The following MYOG variants were observed in gnomAD, a reference collection of about 807,000 sequenced individuals.
The protein encoded by MYOG is myogenin.
In MYOG, 6 loss-of-function variants were observed where a neutral mutation model predicts 17.7. The observed-to-expected ratio is 0.34, with a 90% CI of 0.19 to 0.67. The LOEUF is 0.67. Among genes scored for constraint, MYOG ranks in the 30% least tolerant of loss-of-function variants. The pLI, the probability that MYOG is intolerant of heterozygous loss-of-function variation, is 0.69. For missense variants in MYOG, 272 were observed against 302.0 expected, an observed-to-expected ratio of 0.90 and a Z score of 0.74; for synonymous variants, 125 against 130.2, an observed-to-expected ratio of 0.96 and a Z score of 0.27.
rs1653557059 is a variant in MYOG at position 203,083,943 on chromosome 1, A to G, written c.642T>C (p.Ser214=). ...GCATGGTTTCATCTGGGAAGGCCAC[A>G]GACACATCTTCCACTGTGATGCTGT... ...IVDSITVEDV[S]VAFPDETMPN The change falls in exon 3 of 3, where the codon TCT becomes TCC. Residue 214 remains serine, a synonymous_variant. Coordinates refer to ENST00000241651, the MANE Select transcript of MYOG (RefSeq NM_002479.6). 3 of 1,591,742 alleles carry G rather than the reference A, an allele frequency of 1.9e-6. No individual in the cohort carries two copies. The highest frequency in any genetic ancestry group is 2.6e-6 in the Non-Finnish European group (3 of 1,168,484).
rs1479218459 is a variant in MYOG at position 203,083,467 on chromosome 1, G to C, written c.*443C>G. ...TCTCCCCTTCTTCTCTCTCAATTCA[G>C]GGCAGGCCCAGCCCAGCCACTGGCA... On this transcript the variant is annotated 3_prime_UTR_variant, in exon 3 of 3. Transcript: ENST00000241651. 10 of 408,420 alleles carry C rather than the reference G, an allele frequency of 2.4e-5. No individual in the cohort carries two copies. Among genetic ancestry groups the C allele is most frequent in the Admixed American group, 3.9e-5 (1 of 25,400 alleles). The allele number at this position is 408,420 out of a possible 1,614,324, so 25.3% of individuals were successfully genotyped here. A position where few individuals can be genotyped will look rare whatever the true frequency, so the allele number is the denominator to read the frequency against.
Position 203,085,509 on chromosome 1 carries a change from C to T in MYOG, c.453G>A (p.Gly151=), listed in dbSNP as rs772832820. The change falls in exon 1 of 3, where the codon GGG becomes GGA. Residue 151 remains glycine, a synonymous_variant. Coordinates refer to ENST00000241651, the MANE Select transcript of MYOG (RefSeq NM_002479.6). ...QEERDLRYRG[G]GGPQPGVPSE... is the part of the protein sequence containing the mutation. ...CACTTACCCCTGGCTGGGGCCCGCC[C>T]CCGCCCCGGTAGCGGAGGTCACGCT... is the stretch of plus-strand genomic sequence containing the variant. 9.9e-6 allele frequency: 16 copies of T among 1,613,002 alleles called. No homozygotes were observed. The highest frequency in any genetic ancestry group is 1.2e-5 in the Non-Finnish European group (14 of 1,179,428).
In MYOG at chr1:203,085,733, A is replaced by T. The variant is rs761784482; in HGVS notation, c.229T>A (p.Ser77Thr). 1.9e-6 allele frequency: 3 copies of T among 1,614,012 alleles called. No individual in the cohort carries two copies. In the South Asian group the frequency reaches 3.3e-5, roughly 18 times the overall value. Residue 77 changes from serine to threonine, a missense_variant, in exon 1 of 3, where the codon TCG (serine) becomes ACG (threonine). Physicochemically the swap from Ser to Thr is moderately conservative, Grantham distance 58. Coordinates refer to ENST00000241651, the MANE Select transcript of MYOG (RefSeq NM_002479.6). Reference sequence around the variant, plus strand: ...GCCCGCCGCCGGTCCACGGACACCGACTTCCTCTTACACACCTTACACGCC... The same window carrying T: ...GCCCGCCGCCGGTCCACGGACACCGTCTTCCTCTTACACACCTTACACGCC... The part of the protein sequence containing the change: ...PWACKVCKRK[S>T]VSVDRRRAAT...
rs1036611858 is a variant in MYOG at position 203,083,752 on chromosome 1, C to A, written c.*158G>T. The A allele has an allele frequency of 2.6e-6, 3 of 1,173,926 alleles. No homozygotes were observed. In the African/African-American group the frequency reaches 4.6e-5, roughly 18 times the overall value. 72.7% of individuals were successfully genotyped at this position (1,173,926 alleles called of 1,614,324 possible). ...GTCCCTTGCTGGGGGGTGGGTTAAC[C>A]TTACATGGATGAGGAAGGGGATAGT... On this transcript the variant is annotated 3_prime_UTR_variant, in exon 3 of 3. Coordinates refer to ENST00000241651, the MANE Select transcript of MYOG (RefSeq NM_002479.6).
At chr1:203,084,185 A>G (rs1653562044) in intron 2 of MYOG, among the ~76,000 whole-genome samples, 154 bp from the exon 3 acceptor site, 1 of 101,334 alleles carries the variant, frequency 9.9e-6, no homozygotes, top group Non-Finnish European at 2.2e-5. Flanking sequence ...GCCTTTCCCC[A>G]TGCTCTGTGA....
At position 203,083,928 on chromosome 1, in the gene MYOG, A is replaced by C; in HGVS notation, c.657T>G (p.Asp219Glu). The C allele has an allele frequency of 3.8e-6, 6 of 1,590,762 alleles. No homozygotes were observed. Among genetic ancestry groups the C allele is most frequent in the Non-Finnish European group, 5.1e-6 (6 of 1,168,022 alleles). Residue 219 changes from aspartate (D) to glutamate (E), a missense_variant, in exon 3 of 3, where the codon GAT becomes GAG. Physicochemically the swap from Asp to Glu is conservative, Grantham distance 45. Coordinates refer to ENST00000241651, the MANE Select transcript of MYOG (RefSeq NM_002479.6). Reference protein sequence around the residue: ...TVEDVSVAFPDETMPN With the variant: ...TVEDVSVAFPEETMPN ...GACAATCTCAGTTGGGCATGGTTTCATCTGGGAAGGCCACAGACACATCTT... is the reference window on the plus strand; with the variant it reads ...GACAATCTCAGTTGGGCATGGTTTCCTCTGGGAAGGCCACAGACACATCTT...
Position 203,086,005 on chromosome 1 carries a change from A to G in MYOG, c.-44T>C. The G allele has an allele frequency of 1.4e-6, 2 of 1,421,528 alleles. No homozygotes were observed. Among genetic ancestry groups the G allele is most frequent in the Non-Finnish European group, 1.9e-6 (2 of 1,047,474 alleles). The allele number at this position is 1,421,528 out of a possible 1,614,324, so 88.1% of individuals were successfully genotyped here. A position where few individuals can be genotyped will look rare whatever the true frequency, so the allele number is the denominator to read the frequency against. ...TTCCTGCCACCAGCCCCCAAGCTCC[A>G]GCAGCCCCTCACGCCAACTGCTGGG... On this transcript the variant is annotated 5_prime_UTR_variant, in exon 1 of 3. Transcript: ENST00000241651.
intron 1 of MYOG, 107 bp downstream of exon 1, chr1:203,085,384 C>G (rs1318353307): frequency 2.8e-6 from 3 of 1,069,930 alleles, no homozygotes; most frequent in Non-Finnish European, 3.9e-6. Flanking sequence ...TCGACCCTGT[C>G]TGGCACCTGC....
Position 203,084,336 on chromosome 1 carries a change from G to T in MYOG, c.554-305C>A, listed in dbSNP as rs77631043. ...CAGAGACTGGACCTGCCCTTTGCTC[G>T]GCCCAGTTTTGCAGCACTGACTCAG... On this transcript the variant is annotated intron_variant, in intron 2 of 2. Transcript: ENST00000241651. Among the ~76,000 whole-genome samples the T allele has an allele frequency of 2.4e-4, 36 of 151,996 alleles. No homozygotes were observed. The East Asian group carries it at 6.8e-3, about 29-fold the overall frequency.
At chr1:203,085,359 G>T in intron 1 of MYOG, 132 bp downstream of exon 1, 1 of 800,704 alleles carries the variant, frequency 1.2e-6, no homozygotes, top group Non-Finnish European at 1.9e-6. Context: ...ACCAGGGAAG[G>T]GCTCCTGCAG....
At chr1:203,085,396 C>A in intron 1 of MYOG, 95 bp downstream of exon 1, 4 of 1,239,210 alleles carry the variant, frequency 3.2e-6, no homozygotes, top group South Asian at 1.5e-5. Flanking sequence ...GGCACCTGCA[C>A]CAACCCTCTG....
Position 203,085,910 on chromosome 1 carries a change from C to G in MYOG, c.52G>C (p.Asp18His). ...PYFYQEPRFY[D>H]GENYLPVHLQ... ...TGGACAGGCAGGTAGTTTTCCCCATCATAGAAGCGGGGTTCCTGGTAGAAG... is the reference window on the plus strand; with the variant it reads ...TGGACAGGCAGGTAGTTTTCCCCATGATAGAAGCGGGGTTCCTGGTAGAAG... The change falls in exon 1 of 3, where the codon GAT (aspartate) becomes CAT (histidine). Residue 18 changes from aspartate to histidine, a missense_variant. Transcript: ENST00000241651. 6.2e-7 allele frequency: 1 copy of G among 1,608,700 alleles called. No homozygotes were observed. The highest frequency in any genetic ancestry group is 1.7e-4 in the Middle Eastern group (1 of 6,014).
rs1653609432 is a variant in MYOG at position 203,085,831 on chromosome 1, G to T, written c.131C>A (p.Pro44His). The change falls in exon 1 of 3, where the codon CCC becomes CAC. Residue 44 changes from proline to histidine, a missense_variant. By Grantham distance (77) the Pro-to-His change is moderately conservative. Coordinates refer to ENST00000241651, the MANE Select transcript of MYOG (RefSeq NM_002479.6). ...GYERTELTLSPEAPGPLEDKG... is the reference protein window; with the variant it reads ...GYERTELTLSHEAPGPLEDKG... ...GTCCTCAAGGGGCCCTGGGGCCTCG[G>T]GGCTCAGGGTGAGCTCCGTCCGCTC... 5 of 1,614,036 alleles carry T rather than the reference G, an allele frequency of 3.1e-6. No homozygotes were observed. In the East Asian group the frequency reaches 1.1e-4, roughly 36 times the overall value.
rs777590826 is a variant in MYOG, at chr1:203,085,574, C to T, written c.388G>A (p.Glu130Lys). The change falls in exon 1 of 3, where the codon GAG (glutamate) becomes AAG (lysine). Residue 130 changes from glutamate (E) to lysine (K), a missense_variant. By Grantham distance (56) the Glu-to-Lys change is moderately conservative. Coordinates refer to ENST00000241651, the MANE Select transcript of MYOG (RefSeq NM_002479.6). ...EILRSAIQYI[E>K]RLQALLSSLN... ...GAGCTGAGCAGGGCCTGGAGGCGCT[C>T]GATGTACTGGATGGCACTGCGCAGG... is the stretch of plus-strand genomic sequence containing the variant. 63 of 1,614,032 alleles carry T rather than the reference C, an allele frequency of 3.9e-5. No individual in the cohort carries two copies. The highest frequency in any genetic ancestry group is 5.0e-5 in the Non-Finnish European group (59 of 1,179,992).
chr1:203,083,778 C>CT lies in MYOG; in HGVS notation c.*131dup. The CT allele has an allele frequency of 7.3e-7, 1 of 1,369,850 alleles. No individual in the cohort carries two copies. Among genetic ancestry groups the CT allele is most frequent in the Non-Finnish European group, 1.0e-6 (1 of 1,003,046 alleles). 84.9% of individuals were successfully genotyped at this position (1,369,850 alleles called of 1,614,324 possible). On this transcript the variant is annotated 3_prime_UTR_variant, in exon 3 of 3. Transcript: ENST00000241651. ...TTACATGGATGAGGAAGGGGATAGT[C>CT]TGGCCTATGGCACCCCAGAGCTGGC...
chr1:203,084,645 A>AC lies in MYOG; in HGVS notation c.553+1dup, dbSNP rs758382998. On this transcript the variant is annotated splice_donor_variant, in intron 2 of 2. Coordinates refer to ENST00000241651, the MANE Select transcript of MYOG (RefSeq NM_002479.6). LOFTEE classifies it high-confidence loss of function. ...CAAGGTTACCAGTCAGGCCTTACTT[A>AC]CCCCCTGGGTTGGCGCTGAACTCCA... The AC allele has an allele frequency of 1.9e-6, 3 of 1,608,882 alleles. No individual in the cohort carries two copies. Among genetic ancestry groups the AC allele is most frequent in the Admixed American group, 1.7e-5 (1 of 59,586 alleles).
rs368687373 is a variant in MYOG at position 203,083,984 on chromosome 1, G to C, written c.601C>G (p.Leu201Val). 13 of 1,594,190 alleles carry C rather than the reference G, an allele frequency of 8.2e-6. No individual in the cohort carries two copies. The African/African-American group carries it at 1.6e-4, about 20-fold the overall frequency. ...DPTDAHNLHS[L>V]TSIVDSITVE... Reference sequence around the variant, plus strand: ...GTGATGCTGTCCACGATGGAGGTGAGGGAGTGCAGGTTGTGGGCATCTGTA... The same window carrying C: ...GTGATGCTGTCCACGATGGAGGTGACGGAGTGCAGGTTGTGGGCATCTGTA... The change falls in exon 3 of 3, where the codon CTC (leucine) becomes GTC (valine). Residue 201 changes from leucine (L) to valine (V), a missense_variant. Transcript: ENST00000241651.
At position 203,083,756 on chromosome 1, in the gene MYOG, C is replaced by A. The variant is rs920621049; in HGVS notation, c.*154G>T. ...CTTGCTGGGGGGTGGGTTAACCTTACATGGATGAGGAAGGGGATAGTCTGG... is the reference window on the plus strand; with the variant it reads ...CTTGCTGGGGGGTGGGTTAACCTTAAATGGATGAGGAAGGGGATAGTCTGG... On this transcript the variant is annotated 3_prime_UTR_variant, in exon 3 of 3. Transcript: ENST00000241651. 2.2e-5 allele frequency: 27 copies of A among 1,200,366 alleles called. No individual in the cohort carries two copies. In the South Asian group the frequency reaches 3.6e-4, roughly 16 times the overall value. The allele number at this position is 1,200,366 out of a possible 1,614,324, so 74.4% of individuals were successfully genotyped here. A position where few individuals can be genotyped will look rare whatever the true frequency, so the allele number is the denominator to read the frequency against.
rs147160726 is a variant in MYOG, at chr1:203,085,938, G to C, written c.24C>G (p.Pro8=). The C allele has an allele frequency of 2.1e-5, 33 of 1,595,884 alleles. No individual in the cohort carries two copies. Among genetic ancestry groups the C allele is most frequent in the Non-Finnish European group, 2.7e-5 (32 of 1,171,858 alleles). The part of the protein sequence containing the change: MELYETS[P]YFYQEPRFYD... The stretch of plus-strand genomic sequence containing the variant: ...AGAAGCGGGGTTCCTGGTAGAAGTA[G>C]GGGGATGTCTCATACAGCTCCATGG... Residue 8 remains proline, a synonymous_variant, in exon 1 of 3, where the codon CCC becomes CCG. Transcript: ENST00000241651.
Sources: allele counts gnomAD v4.1 joint callset (sites outside exome capture counted in the v4.1 genomes callset), GRCh38; gene constraint gnomAD v4.1.1; transcripts MANE v1.5; gene names NCBI Gene and HGNC (gene_info 2026-07-23, HGNC 2026-07-21).